The following LOC128462377 variants were observed in gnomAD, a reference collection of about 807,000 sequenced individuals.
the LOC128462377 span, among the ~76,000 whole-genome samples, chr16:89,318,844 G>A: frequency 1.3e-5 from 2 of 152,216 alleles, no homozygotes; most frequent in Admixed American, 6.5e-5. Flanking sequence ...CTCCACCCGC[G>A]GTGCAGGTGA....
the LOC128462377 span, among the ~76,000 whole-genome samples, chr16:89,385,674 C>T: frequency 3.9e-5 from 6 of 152,366 alleles, no homozygotes; most frequent in South Asian, 2.1e-4. Flanking sequence ...TTCAAAACTA[C>T]GAATTCACTT....
At chr16:89,376,268 G>C in the LOC128462377 span, among the ~76,000 whole-genome samples, 4 of 152,196 alleles carry the variant, frequency 2.6e-5, no homozygotes, top group African/African-American at 4.8e-5. Flanking sequence ...AGGGGAAGCA[G>C]CTGGAGAAGT....
chr16:89,390,980 G>C, the LOC128462377 span, among the ~76,000 whole-genome samples: 2 of 152,186 alleles, frequency 1.3e-5, no homozygotes, highest in Non-Finnish European at 2.9e-5. Context: ...TGTAATCACA[G>C]CATTTTGGGA....
chr16:89,324,978 G>A, the LOC128462377 span: 4 of 164,462 alleles, frequency 2.4e-5, no homozygotes, highest in Admixed American at 1.9e-4. Flanking sequence ...AAGTACTGGT[G>A]AAGGGGTGGA....
the LOC128462377 span, among the ~76,000 whole-genome samples, chr16:89,410,131 G>C: frequency 1.3e-5 from 2 of 152,126 alleles, no homozygotes; most frequent in African/African-American, 4.8e-5. Flanking sequence ...GAGCCACCGC[G>C]TCCAGCCTCA....
the LOC128462377 span, among the ~76,000 whole-genome samples, chr16:89,338,005 TC>T: frequency 6.6e-6 from 1 of 152,100 alleles, no homozygotes; most frequent in Admixed American, 6.5e-5. Context: ...GTGACCTGCC[TC>T]CCACATCAGC....
chr16:89,368,234 T>A, the LOC128462377 span, among the ~76,000 whole-genome samples: 3 of 151,952 alleles, frequency 2.0e-5, no homozygotes, highest in Non-Finnish European at 4.4e-5. Context: ...CTTGCTCTGT[T>A]GCCCAGGCCA....
the LOC128462377 span, among the ~76,000 whole-genome samples, chr16:89,401,615 TC>T: frequency 6.6e-6 from 1 of 152,208 alleles, no homozygotes; most frequent in South Asian, 2.1e-4. Flanking sequence ...TTGAAATGTG[TC>T]CCCCAAGAAT....
the LOC128462377 span, among the ~76,000 whole-genome samples, chr16:89,386,310 A>T: frequency 2.0e-5 from 3 of 152,128 alleles, no homozygotes; most frequent in African/African-American, 7.2e-5. Flanking sequence ...TAAGACAGAC[A>T]ATGCACTAAT....
At chr16:89,414,985 C>A in the LOC128462377 span, among the ~76,000 whole-genome samples, 1 of 152,286 alleles carries the variant, frequency 6.6e-6, no homozygotes, top group East Asian at 1.9e-4. Flanking sequence ...CACCCTGCGG[C>A]CCAGGCTGGA....
chr16:89,387,159 A>C, the LOC128462377 span, among the ~76,000 whole-genome samples: 14 of 152,032 alleles, frequency 9.2e-5, no homozygotes, highest in African/African-American at 3.1e-4. Flanking sequence ...ACCACCAAAC[A>C]ATGGTGAAGA....
At chr16:89,334,144 T>TAAAAAAAAAAAAAAAAAAAAAAAAAAAAA in the LOC128462377 span, among the ~76,000 whole-genome samples, 1 of 41,416 alleles carries the variant, frequency 2.4e-5, no homozygotes, top group African/African-American at 9.6e-5. Context: ...CCCTGTGTTT[T>TAAAAAAAAAAAAAAAAAAAAAAAAAAAAA]AAAAAAAAAA....
At chr16:89,388,611 G>A in the LOC128462377 span, among the ~76,000 whole-genome samples, 1 of 152,162 alleles carries the variant, frequency 6.6e-6, no homozygotes, top group Non-Finnish European at 1.5e-5. Flanking sequence ...GAAAATATTT[G>A]CACCTGAGAA....
the LOC128462377 span, among the ~76,000 whole-genome samples, chr16:89,351,234 G>A: frequency 3.9e-5 from 6 of 152,170 alleles, no homozygotes; most frequent in Admixed American, 6.5e-5. Context: ...GGGGTTCCAC[G>A]GCAAAGAATG....
chr16:89,380,264 C>T, the LOC128462377 span, among the ~76,000 whole-genome samples: 1 of 152,134 alleles, frequency 6.6e-6, no homozygotes, highest in Non-Finnish European at 1.5e-5. Context: ...AGGCATGTGC[C>T]ACGACGCCTG....
At chr16:89,346,149 T>C in the LOC128462377 span, among the ~76,000 whole-genome samples, 1 of 148,148 alleles carries the variant, frequency 6.8e-6, no homozygotes, top group East Asian at 2.0e-4. Context: ...CTCGGGAGGC[T>C]GAGGCAGGAG....
At chr16:89,350,820 A>C in the LOC128462377 span, among the ~76,000 whole-genome samples, 10 of 152,306 alleles carry the variant, frequency 6.6e-5, no homozygotes, top group South Asian at 8.3e-4. Flanking sequence ...GGCCACATTC[A>C]TGATGGTGGT....
the LOC128462377 span, among the ~76,000 whole-genome samples, chr16:89,391,256 A>C: frequency 2.0e-5 from 3 of 149,638 alleles, no homozygotes; most frequent in African/African-American, 7.4e-5. Flanking sequence ...AAATGATTGA[A>C]CCCAAGGAGG....
At chr16:89,374,343 AAATAAT>A in the LOC128462377 span, among the ~76,000 whole-genome samples, 7 of 151,090 alleles carry the variant, frequency 4.6e-5, no homozygotes, top group Admixed American at 6.6e-5. Context: ...TTTGTAAAAA[AAATAAT>A]AATAATAATA....
Sources: gnomAD v4.1 joint callset for allele counts (sites outside exome capture counted in the v4.1 genomes callset) on GRCh38, gnomAD v4.1.1 for gene constraint, MANE v1.5 for transcripts.